SLC12A1: variants seen among roughly 807,000 people sequenced by gnomAD.
The protein encoded by SLC12A1 is Na-K-2Cl cotransporter.
SLC12A1 carries 89 observed loss-of-function variants against 130.4 expected under a neutral mutation model. The ratio of observed to expected loss-of-function variants is 0.68; its 90% CI spans 0.58 to 0.81. The LOEUF (loss-of-function observed/expected upper bound fraction) is 0.81, where lower values mean the gene tolerates loss of function less well. Ranked by LOEUF, SLC12A1 falls within the 40% of genes least tolerant of loss-of-function variation. The pLI, the probability that SLC12A1 is intolerant of heterozygous loss-of-function variation, is 0.00. For missense variants in SLC12A1, 1,310 were observed against 1,336.4 expected (o/e 0.98, Z 0.31); for synonymous variants, 499 against 460.0 (o/e 1.08, Z -1.09).
chr15:48,246,942 A>G lies in SLC12A1; in HGVS notation c.1486A>G (p.Ile496Val). The G allele has an allele frequency of 6.2e-7, 1 of 1,613,950 alleles. No homozygotes were observed. Among genetic ancestry groups the G allele is most frequent in the Non-Finnish European group, 8.5e-7 (1 of 1,179,866 alleles). Residue 496 changes from isoleucine (I) to valine (V), a missense_variant, in exon 12 of 27, where the codon ATC (isoleucine) becomes GTC (valine). Ile to Val is a conservative substitution (Grantham distance 29, BLOSUM62 3). Coordinates refer to ENST00000380993, the MANE Select transcript of SLC12A1 (RefSeq NM_000338.3). ...MSMVSGFGPL[I>V]TAGIFSATLS... ...CATGGTATCAGGGTTCGGCCCCCTC[A>G]TCACTGCGGGAATCTTTTCTGCAAC...
At chr15:48,244,024 C>T (rs2041548407) in intron 10 of SLC12A1, among the ~76,000 whole-genome samples, 1 of 152,090 alleles carries the variant, frequency 6.6e-6, no homozygotes, top group African/African-American at 2.4e-5. Context: ...TTCTAAATGA[C>T]CATAATTCTA....
intron 2 of SLC12A1, among the ~76,000 whole-genome samples, chr15:48,208,731 A>C (rs1411690416): frequency 6.6e-6 from 1 of 152,240 alleles, no homozygotes; most frequent in African/African-American, 2.4e-5. Flanking sequence ...TAAACACGTC[A>C]AACTGAATAC....
At chr15:48,253,138 T>G (rs1473548152) in intron 15 of SLC12A1, among the ~76,000 whole-genome samples, 1 of 152,236 alleles carries the variant, frequency 6.6e-6, no homozygotes, top group South Asian at 2.1e-4. Context: ...AAGCAGAGCT[T>G]GTAGTAACTA....
intron 20 of SLC12A1, among the ~76,000 whole-genome samples, chr15:48,281,235 T>C (rs2042006089): frequency 1.3e-5 from 2 of 152,220 alleles, no homozygotes; most frequent in South Asian, 4.1e-4. Flanking sequence ...AGATTTGTTG[T>C]TTTGGATTAA....
At chr15:48,220,168 TA>T in intron 2 of SLC12A1, among the ~76,000 whole-genome samples, 1 of 148,022 alleles carries the variant, frequency 6.8e-6, no homozygotes, top group Non-Finnish European at 1.5e-5. Flanking sequence ...GATAGATAGA[TA>T]GATAGATAGA....
chr15:48,222,372 C>G (rs1438884804), intron 4 of SLC12A1: 1 of 152,104 alleles, frequency 6.6e-6, no homozygotes, highest in Admixed American at 6.6e-5. Flanking sequence ...TCTTCACAGT[C>G]AACCCAGTAT....
At chr15:48,295,194 G>A (rs2042164832) in intron 24 of SLC12A1, among the ~76,000 whole-genome samples, 1 of 151,770 alleles carries the variant, frequency 6.6e-6, no homozygotes, top group South Asian at 2.1e-4. Context: ...ACAGGCATGA[G>A]CCACCACACC....
At chr15:48,211,198 T>C (rs923232352) in intron 2 of SLC12A1, among the ~76,000 whole-genome samples, 1 of 152,182 alleles carries the variant, frequency 6.6e-6, no homozygotes, top group Admixed American at 6.5e-5. Flanking sequence ...GGGAGTAGAA[T>C]TCAGATTCAA....
At chr15:48,218,076 C>T (rs1368063628) in intron 2 of SLC12A1, 1 of 152,586 alleles carries the variant, frequency 6.6e-6, no homozygotes, top group African/African-American at 2.4e-5. Flanking sequence ...TTCCAAAGTA[C>T]TGGGATTACA....
chr15:48,261,784 G>A (rs1315846897), intron 17 of SLC12A1, among the ~76,000 whole-genome samples: 2 of 152,148 alleles, frequency 1.3e-5, no homozygotes, highest in Admixed American at 1.3e-4. Flanking sequence ...TAGAAAGATG[G>A]TGCTCATGGG....
At position 48,288,536 on chromosome 15, in the gene SLC12A1, C is replaced by A; in HGVS notation, c.2873+20C>A. 9.3e-7 allele frequency: 1 copy of A among 1,080,932 alleles called. No individual in the cohort carries two copies. Among genetic ancestry groups the A allele is most frequent in the Non-Finnish European group, 1.4e-6 (1 of 719,238 alleles). The allele number at this position is 1,080,932 out of a possible 1,614,324, so 67.0% of individuals were successfully genotyped here. On this transcript the variant is annotated intron_variant, in intron 23 of 26. Transcript: ENST00000380993. Reference sequence around the variant, plus strand: ...AATTGTGTAAGTAGTTTGCCACTCACATGTTAGGTCATTTCAGAGGTTTGT... The same window carrying A: ...AATTGTGTAAGTAGTTTGCCACTCAAATGTTAGGTCATTTCAGAGGTTTGT...
chr15:48,227,172 G>A, intron 5 of SLC12A1: 2 of 1,543,028 alleles, frequency 1.3e-6, no homozygotes, highest in Non-Finnish European at 1.8e-6. Context: ...GTAGTAAGAG[G>A]AGGTAAGCCA....
intron 4 of SLC12A1, chr15:48,223,496 T>C (rs1027401355): frequency 6.6e-6 from 1 of 152,196 alleles, no homozygotes; most frequent in East Asian, 1.9e-4. Flanking sequence ...TGTTCCAAGA[T>C]TTCAAATGGT....
chr15:48,291,966 G>A (rs1349054880), intron 24 of SLC12A1, 102 bp downstream of exon 24: 25 of 750,578 alleles, frequency 3.3e-5, no homozygotes, highest in African/African-American at 1.2e-4. Context: ...TTACTGCAGC[G>A]ACTTCTTGAT....
intron 14 of SLC12A1, among the ~76,000 whole-genome samples, chr15:48,250,674 C>A (rs74011988): frequency 2.8e-4 from 16 of 56,144 alleles, no homozygotes; most frequent in East Asian, 1.7e-3. Flanking sequence ...AAAATGTCTG[C>A]CTCACACACA....
chr15:48,226,026 T>G (rs1454206140), intron 4 of SLC12A1: 1 of 340,998 alleles, frequency 2.9e-6, no homozygotes, highest in Non-Finnish European at 4.2e-6. Flanking sequence ...CTGACCTTTC[T>G]GGAGTGTTTT....
At chr15:48,213,775 A>G (rs1597395994) in intron 2 of SLC12A1, among the ~76,000 whole-genome samples, 1 of 151,950 alleles carries the variant, frequency 6.6e-6, no homozygotes. Context: ...CGCCCACCTC[A>G]ACCTCCCAAA....
At position 48,301,398 on chromosome 15, in the gene SLC12A1, AGCAT is replaced by A; in HGVS notation, c.3164+17_3164+20del. 1 of 1,531,916 alleles carries A rather than the reference AGCAT, an allele frequency of 6.5e-7. No homozygotes were observed. Among genetic ancestry groups the A allele is most frequent in the Non-Finnish European group, 8.9e-7 (1 of 1,122,914 alleles). 94.9% of individuals were successfully genotyped at this position (1,531,916 alleles called of 1,614,324 possible). A position where few individuals can be genotyped will look rare whatever the true frequency, so the allele number is the denominator to read the frequency against. ...TCATTGTCCTGTAAGTATCATTGCA[AGCAT>A]TGAAGAACATTAGAAATAAATCTTA... On this transcript the variant is annotated intron_variant, in intron 26 of 26. Coordinates refer to ENST00000380993, the MANE Select transcript of SLC12A1 (RefSeq NM_000338.3).
intron 24 of SLC12A1, among the ~76,000 whole-genome samples, chr15:48,297,138 T>A (rs889473200): frequency 3.9e-5 from 6 of 152,190 alleles, no homozygotes; most frequent in Admixed American, 6.5e-5. Context: ...TACTTTTTTT[T>A]AATAAAATCA....
Sources: allele counts gnomAD v4.1 joint callset (sites outside exome capture counted in the v4.1 genomes callset), GRCh38; gene constraint gnomAD v4.1.1; transcripts MANE v1.5; gene names NCBI Gene and HGNC (gene_info 2026-07-23, HGNC 2026-07-21).